The following TNFRSF10A variants were observed in gnomAD, a reference collection of about 807,000 sequenced individuals.
TNFRSF10A encodes TNF receptor superfamily member 10a, also known as tumor necrosis factor receptor superfamily member 10A.
In TNFRSF10A, 44 loss-of-function variants were observed where a neutral mutation model predicts 42.8. The observed-to-expected ratio is 1.03, with a 90% CI of 0.81 to 1.32. The LOEUF (loss-of-function observed/expected upper bound fraction) is 1.32, where lower values mean the gene tolerates loss of function less well. TNFRSF10A is among the 40% of genes most tolerant of loss of function. TNFRSF10A has a pLI of 0.00. For missense variants in TNFRSF10A, 680 were observed against 602.0 expected, an observed-to-expected ratio of 1.13 and a Z score of -1.36; for synonymous variants, 259 against 234.2, an observed-to-expected ratio of 1.11 and a Z score of -0.97.
intron 9 of TNFRSF10A, among the ~76,000 whole-genome samples, chr8:23,192,784 T>A (rs2128846056): frequency 6.6e-6 from 1 of 152,346 alleles, no homozygotes; most frequent in East Asian, 1.9e-4. Context: ...AATTGTCCCA[T>A]AGAAAGGTTT....
At chr8:23,213,793 T>G (rs1302716261) in intron 1 of TNFRSF10A, among the ~76,000 whole-genome samples, 2 of 152,164 alleles carry the variant, frequency 1.3e-5, no homozygotes. Flanking sequence ...ATTGTTCATT[T>G]ATTTCTTCTT....
At chr8:23,222,928 T>C (rs1416392053) in intron 1 of TNFRSF10A, among the ~76,000 whole-genome samples, 2 of 152,146 alleles carry the variant, frequency 1.3e-5, no homozygotes, top group East Asian at 3.8e-4. Context: ...AATCCAGCTG[T>C]CCTTCCCCTT....
chr8:23,207,917 A>AC (rs1563382208), intron 2 of TNFRSF10A, among the ~76,000 whole-genome samples: 2 of 151,570 alleles, frequency 1.3e-5, no homozygotes, highest in Admixed American at 1.3e-4. Context: ...AAAAAAAAAA[A>AC]CTAATACAGT....
chr8:23,221,126 G>A (rs1424311238), intron 1 of TNFRSF10A, among the ~76,000 whole-genome samples: 1 of 152,152 alleles, frequency 6.6e-6, no homozygotes, highest in East Asian at 1.9e-4. Flanking sequence ...GGTGGGAGCA[G>A]GTGCAGCCTC....
chr8:23,222,743 C>G (rs1362655656), intron 1 of TNFRSF10A, among the ~76,000 whole-genome samples: 2 of 152,232 alleles, frequency 1.3e-5, no homozygotes, highest in African/African-American at 4.8e-5. Context: ...TGGGGTGGAT[C>G]CCTCATGAAA....
At chr8:23,195,148 G>A (rs981520222) in intron 9 of TNFRSF10A, among the ~76,000 whole-genome samples, 3 of 152,176 alleles carry the variant, frequency 2.0e-5, no homozygotes, top group Non-Finnish European at 4.4e-5. Flanking sequence ...GACAGAGTGA[G>A]ACTCTGTCTC....
At chr8:23,219,250 G>A (rs556670157) in intron 1 of TNFRSF10A, among the ~76,000 whole-genome samples, 2 of 152,082 alleles carry the variant, frequency 1.3e-5, no homozygotes, top group South Asian at 2.1e-4. Flanking sequence ...AGAGTAAAGT[G>A]CTCATCACCT....
intron 8 of TNFRSF10A, among the ~76,000 whole-genome samples, chr8:23,198,260 C>T (rs990161590): frequency 1.3e-5 from 2 of 151,952 alleles, no homozygotes; most frequent in Non-Finnish European, 2.9e-5. Context: ...AAAACAAGTT[C>T]CATTTAGATT....
rs1395713855 is a variant in TNFRSF10A, at chr8:23,199,382, G to C, written c.898C>G (p.Leu300Val). ...GTGGACAGCGAGTCTGCGTTGCTCA[G>C]AATCTCGTTGTGAGCATTGTCCTCA... ...GAEDNAHNEI[L>V]SNADSLSTFV... Residue 300 changes from leucine to valine, a missense_variant, in exon 8 of 10, where the codon CTG becomes GTG. Physicochemically the swap from Leu to Val is conservative, Grantham distance 32. Coordinates refer to ENST00000221132, the MANE Select transcript of TNFRSF10A (RefSeq NM_003844.4). 1 of 1,614,184 alleles carries C rather than the reference G, an allele frequency of 6.2e-7. No individual in the cohort carries two copies. Among genetic ancestry groups the C allele is most frequent in the Non-Finnish European group, 8.5e-7 (1 of 1,180,016 alleles).
chr8:23,191,820 G>C lies in TNFRSF10A; in HGVS notation c.1281C>G (p.Thr427=), dbSNP rs758134456. 6.2e-7 allele frequency: 1 copy of C among 1,613,952 alleles called. No individual in the cohort carries two copies. Among genetic ancestry groups the C allele is most frequent in the East Asian group, 2.2e-5 (1 of 44,868 alleles). Reference sequence around the variant, plus strand: ...CCATCCTCTCCAAGGCATCCAGCAGGGTGTGGATCGAGGCGTTCCGTCCAG... The same window carrying C: ...CCATCCTCTCCAAGGCATCCAGCAGCGTGTGGATCGAGGCGTTCCGTCCAG... ...NKTGRNASIH[T]LLDALERMEE... The change falls in exon 10 of 10, where the codon ACC becomes ACG. Residue 427 remains threonine, a synonymous_variant. Transcript: ENST00000221132.
Position 23,197,077 on chromosome 8 carries a change from G to A in TNFRSF10A, c.1087+55C>T. On this transcript the variant is annotated intron_variant, in intron 9 of 9. Transcript: ENST00000221132. ...TCTCAGCAATGGGGACACCAGTTAG[G>A]ACACCGTCCCTATTCCCACCATTTC... is the stretch of plus-strand genomic sequence containing the variant. 4.4e-6 allele frequency: 7 copies of A among 1,608,884 alleles called. No homozygotes were observed. The South Asian group carries it at 4.4e-5, about 10-fold the overall frequency.
At position 23,198,727 on chromosome 8, in the gene TNFRSF10A, A is replaced by ATGTG. The variant is rs528771454; in HGVS notation, c.1014+538_1014+539insCACA. 7.9e-5 allele frequency among the ~76,000 whole-genome samples: 12 copies of ATGTG among 152,204 alleles called. No homozygotes were observed. In the South Asian group the frequency reaches 2.5e-3, roughly 32 times the overall value. ...CATGTGTGTACCTGTATGTGTGGGT[A>ATGTG]CGTGCATGTGTGTGTGCATGTGTGT... is the stretch of plus-strand genomic sequence containing the variant. On this transcript the variant is annotated intron_variant, in intron 8 of 9. Coordinates refer to ENST00000221132, the MANE Select transcript of TNFRSF10A (RefSeq NM_003844.4).
intron 6 of TNFRSF10A, 118 bp from the exon 7 acceptor site, chr8:23,200,035 G>C (rs1563378606): frequency 3.8e-6 from 5 of 1,304,292 alleles, no homozygotes; most frequent in Non-Finnish European, 5.4e-6. Context: ...AAGATCCCCG[G>C]GCCTGGGGAT....
rs540042237 is a variant in TNFRSF10A, at chr8:23,214,209, C to T, written c.307-1997G>A. On this transcript the variant is annotated intron_variant, in intron 1 of 9. Transcript: ENST00000221132. ...TTGTTTTAAAATGTGTTGTTTAGGCCGGGCGCAGTGGCTCATGCCTGTAAT... is the reference window on the plus strand; with the variant it reads ...TTGTTTTAAAATGTGTTGTTTAGGCTGGGCGCAGTGGCTCATGCCTGTAAT... 3.0e-3 allele frequency among the ~76,000 whole-genome samples: 452 copies of T among 150,778 alleles called. 2 individuals carry two copies. The highest frequency in any genetic ancestry group is 0.01 in the African/African-American group (429 of 41,196).
intron 2 of TNFRSF10A, chr8:23,207,279 G>A: frequency 3.3e-6 from 2 of 599,014 alleles, no homozygotes; most frequent in Admixed American, 1.8e-5. Flanking sequence ...TCAACACCCT[G>A]ATTAGGCCTG....
At chr8:23,214,510 GTTGT>G (rs1334264205) in intron 1 of TNFRSF10A, among the ~76,000 whole-genome samples, 1 of 151,684 alleles carries the variant, frequency 6.6e-6, no homozygotes, top group African/African-American at 2.4e-5. Flanking sequence ...GCAAAAAAGT[GTTGT>G]TTAATTTTCA....
Position 23,214,598 on chromosome 8 carries a change from GTTTGT to G in TNFRSF10A, c.307-2391_307-2387del, listed in dbSNP as rs149385664. On this transcript the variant is annotated intron_variant, in intron 1 of 9. Coordinates refer to ENST00000221132, the MANE Select transcript of TNFRSF10A (RefSeq NM_003844.4). ...CCTTTTATTGTGATTGGAAAAGATA[GTTTGT>G]TTTATTTCAATTTTTAAAATTGTAT... Among the ~76,000 whole-genome samples the G allele has an allele frequency of 7.2e-4, 110 of 152,224 alleles. No individual in the cohort carries two copies. The East Asian group carries it at 0.021, about 29-fold the overall frequency.
rs1227599291 is a variant in TNFRSF10A at position 23,191,661 on chromosome 8, A to T, written c.*33T>A. On this transcript the variant is annotated 3_prime_UTR_variant, in exon 10 of 10. Transcript: ENST00000221132. The stretch of plus-strand genomic sequence containing the variant: ...AACCTAATATGTATTAACTCCTAAC[A>T]CCTAAGAGGAAACCTCTGGTAAAAA... 2 of 1,584,498 alleles carry T rather than the reference A, an allele frequency of 1.3e-6. No individual in the cohort carries two copies. The highest frequency in any genetic ancestry group is 1.7e-6 in the Non-Finnish European group (2 of 1,168,692).
rs115066235 is a variant in TNFRSF10A, at chr8:23,191,260, G to T, written c.*434C>A. The T allele has an allele frequency of 8.7e-3, 1,510 of 173,720 alleles. 27 individuals carry two copies. Among genetic ancestry groups the T allele is most frequent in the African/African-American group, 0.034 (1,442 of 42,032 alleles). 10.8% of individuals were successfully genotyped at this position (173,720 alleles called of 1,614,324 possible). A position where few individuals can be genotyped will look rare whatever the true frequency, so the allele number is the denominator to read the frequency against. On this transcript the variant is annotated 3_prime_UTR_variant, in exon 10 of 10. Transcript: ENST00000221132. ...CGGAGGCCAGCTCAGGGGAGAACCA[G>T]ATTTTCCTTTGGCATGTGAGCCTCA...
Sources: allele counts gnomAD v4.1 joint callset (sites outside exome capture counted in the v4.1 genomes callset), GRCh38; gene constraint gnomAD v4.1.1; transcripts MANE v1.5; gene names NCBI Gene and HGNC (gene_info 2026-07-23, HGNC 2026-07-21).